Variants in FRY observed in about 807,000 individuals in gnomAD.
FRY encodes the protein protein furry homolog.
Under a neutral mutation model 348.4 loss-of-function variants are expected in FRY, and 128 were observed. That is an observed-to-expected ratio of 0.37 (90% CI 0.32 to 0.43). The LOEUF is 0.43. Ranked by LOEUF, FRY falls within the 20% of genes least tolerant of loss-of-function variation. The pLI is 1.00. For missense variants in FRY, 2,736 were observed against 3,695.2 expected, an observed-to-expected ratio of 0.74 and a Z score of 6.73; for synonymous variants, 1,370 against 1,374.7, an observed-to-expected ratio of 1.00 and a Z score of 0.08.
At chr13:32,259,643 G>C (rs960334307) in intron 51 of FRY, among the ~76,000 whole-genome samples, 5 of 152,148 alleles carry the variant, frequency 3.3e-5, no homozygotes, top group African/African-American at 7.2e-5. Context: ...TTTTGAATTT[G>C]TGTTTGTATA....
chr13:32,277,024 A>G (rs575647259), intron 57 of FRY, among the ~76,000 whole-genome samples: 117 of 152,312 alleles, frequency 7.7e-4, no homozygotes, highest in African/African-American at 2.6e-3. Flanking sequence ...CTTTCTTCAT[A>G]GATCTAGATC....
chr13:32,235,891 T>C (rs1198409880), intron 42 of FRY, among the ~76,000 whole-genome samples, 187 bp from the exon 43 acceptor site: 2 of 152,144 alleles, frequency 1.3e-5, no homozygotes, highest in South Asian at 4.1e-4. Flanking sequence ...GAAAATAAAT[T>C]TGTATGATTA....
chr13:32,258,307 T>C (rs1447299405), intron 51 of FRY, among the ~76,000 whole-genome samples: 1 of 152,206 alleles, frequency 6.6e-6, no homozygotes, highest in Non-Finnish European at 1.5e-5. Context: ...GTTTTATTGT[T>C]AAATTCTTGT....
chr13:32,261,234 G>A (rs891062480), intron 51 of FRY, among the ~76,000 whole-genome samples: 2 of 152,132 alleles, frequency 1.3e-5, no homozygotes, highest in Non-Finnish European at 2.9e-5. Context: ...ACTAAACAGG[G>A]GCCGACCTCA....
At chr13:32,252,755 A>C (rs1887145393) in intron 50 of FRY, among the ~76,000 whole-genome samples, 1 of 152,200 alleles carries the variant, frequency 6.6e-6, no homozygotes. Context: ...GAAATATTAG[A>C]GGCTCATAAA....
At chr13:32,172,575 G>C (rs560430862) in intron 18 of FRY, among the ~76,000 whole-genome samples, 4 of 152,286 alleles carry the variant, frequency 2.6e-5, no homozygotes, top group East Asian at 3.9e-4. Flanking sequence ...GAGAACCAGG[G>C]TGGTGGGAAC....
At chr13:32,124,163 A>G in intron 4 of FRY, 123 bp from the exon 5 acceptor site, 1 of 695,346 alleles carries the variant, frequency 1.4e-6, no homozygotes, top group Admixed American at 2.3e-5. Context: ...CTACCAGTGC[A>G]ATTATATAAT....
At chr13:32,058,045 CTG>C (rs1873738832) in intron 1 of FRY, among the ~76,000 whole-genome samples, 1 of 152,132 alleles carries the variant, frequency 6.6e-6, no homozygotes, top group Admixed American at 6.5e-5. Context: ...ATTAGATTAA[CTG>C]TTAAAGAAAA....
chr13:32,230,150 C>T (rs1287920641), intron 40 of FRY, among the ~76,000 whole-genome samples: 1 of 152,150 alleles, frequency 6.6e-6, no homozygotes, highest in African/African-American at 2.4e-5. Context: ...GTTTGTTGTA[C>T]AGGCTATTTC....
chr13:32,235,931 C>CA (rs1886202044), intron 42 of FRY, 147 bp from the exon 43 acceptor site: 1 of 695,102 alleles, frequency 1.4e-6, no homozygotes, highest in African/African-American at 1.8e-5. Context: ...TCTGAATTTC[C>CA]TAAGTGGCCC....
At chr13:32,285,284 G>A (rs1888990847) in intron 58 of FRY, among the ~76,000 whole-genome samples, 2 of 152,050 alleles carry the variant, frequency 1.3e-5, no homozygotes, top group Admixed American at 1.3e-4. Flanking sequence ...CCATAAAATG[G>A]CCCCCCAGAA....
Position 32,179,725 on chromosome 13 carries a change from G to A in FRY, c.2922G>A (p.Leu974=), listed in dbSNP as rs1260042320. Residue 974 remains leucine, a synonymous_variant, in exon 23 of 61, where the codon TTG becomes TTA. Transcript: ENST00000542859. ...VGVLLKQLVP[L]MRLESIEITE... is the part of the protein sequence containing the mutation. ...TTCTGTTAAAGCAGTTGGTGCCTTT[G>A]ATGAGACTAGAGAGCATTGAGATCA... 6.2e-6 allele frequency: 10 copies of A among 1,613,634 alleles called. No homozygotes were observed. The highest frequency in any genetic ancestry group is 8.5e-6 in the Non-Finnish European group (10 of 1,179,638).
rs45467296 is a variant in FRY, at chr13:32,239,681, T to C, written c.6517-30T>C. On this transcript the variant is annotated intron_variant, in intron 45 of 60. Transcript: ENST00000542859. This position sits in a 1 kb window ranked among gnomAD's most constrained non-coding sequence, Gnocchi z 4.3. The stretch of plus-strand genomic sequence containing the variant: ...TTTCTTCCTATTCATTGGGCTATTT[T>C]ATTCCTAATTGATTTTTTTATTTTA... The C allele has an allele frequency of 0.21, 319,202 of 1,505,100 alleles. 36,789 individuals carry two copies. Among genetic ancestry groups the C allele is most frequent in the Non-Finnish European group, 0.24 (255,280 of 1,082,242 alleles). 93.2% of individuals were successfully genotyped at this position (1,505,100 alleles called of 1,614,324 possible). A position where few individuals can be genotyped will look rare whatever the true frequency, so the allele number is the denominator to read the frequency against.
chr13:32,158,102 G>C (rs1411632411), intron 16 of FRY, among the ~76,000 whole-genome samples: 4 of 152,130 alleles, frequency 2.6e-5, no homozygotes, highest in African/African-American at 9.7e-5. Context: ...GAATTAATCT[G>C]AAGATTGTTA....
At chr13:32,127,696 T>G (rs1879107649) in intron 7 of FRY, among the ~76,000 whole-genome samples, 2 of 152,092 alleles carry the variant, frequency 1.3e-5, no homozygotes, top group South Asian at 4.1e-4. Context: ...GGAGAATCGC[T>G]TGAACCCGGG....
intron 26 of FRY, among the ~76,000 whole-genome samples, chr13:32,185,398 A>G (rs1283502889): frequency 2.0e-5 from 3 of 152,280 alleles, no homozygotes; most frequent in Non-Finnish European, 4.4e-5. Context: ...TTTGGTTTCC[A>G]TCTGAAAATG....
rs1396772711 is a variant in FRY, at chr13:32,054,280, TACTA to T, written c.70+22421_70+22424del. Among the ~76,000 whole-genome samples the T allele has an allele frequency of 2.0e-5, 3 of 152,186 alleles. No individual in the cohort carries two copies. In the East Asian group the frequency reaches 5.8e-4, roughly 29 times the overall value. ...GACTGTGAAGGAATTCTGGGAGGTA[TACTA>T]ACTAAATGGCACCACTTGCTTTGTT... On this transcript the variant is annotated intron_variant, in intron 1 of 60. Transcript: ENST00000542859.
At chr13:32,244,353 T>A (rs1886666127) in intron 47 of FRY, among the ~76,000 whole-genome samples, 171 bp downstream of exon 47, 1 of 152,188 alleles carries the variant, frequency 6.6e-6, no homozygotes, top group Admixed American at 6.5e-5. Flanking sequence ...CTGAGTAGTA[T>A]TCTGAAGAGA....
At chr13:32,251,276 G>T (rs1887067196) in intron 49 of FRY, among the ~76,000 whole-genome samples, 1 of 152,178 alleles carries the variant, frequency 6.6e-6, no homozygotes, top group South Asian at 2.1e-4. Context: ...GTTTATGAAG[G>T]AAAGGAACTG....
Sources: gnomAD v4.1 joint callset for allele counts (sites outside exome capture counted in the v4.1 genomes callset) on GRCh38, gnomAD v4.1.1 for gene constraint, Gnocchi (gnomAD v3.1) non-coding constraint, MANE v1.5 for transcripts, NCBI Gene and HGNC (gene_info 2026-07-23, HGNC 2026-07-21) for gene names.